Variants in IGSF22 observed in about 807,000 individuals in gnomAD.
IGSF22 encodes immunoglobulin superfamily, member 22.
IGSF22 carries 119 observed loss-of-function variants against 127.0 expected under a neutral mutation model. That is an observed-to-expected ratio of 0.94 (90% CI 0.81 to 1.09). The LOEUF (loss-of-function observed/expected upper bound fraction) is 1.09. Among genes scored for constraint, IGSF22 ranks in the 50% least tolerant of loss-of-function variants. The pLI is 0.00. For missense variants in IGSF22, 1,518 were observed against 1,716.6 expected (o/e 0.88, Z 2.04); for synonymous variants, 568 against 664.7 (o/e 0.85, Z 2.24).
At position 18,713,755 on chromosome 11, in the gene IGSF22, A is replaced by G. The variant is rs1337853096; in HGVS notation, c.2095+97T>C. ...AGGCCCATTCCCAGCCCAAACTTCA[A>G]CTCTAACTCTGGCCTCCTACTCAGC... On this transcript the variant is annotated intron_variant, in intron 14 of 22. Coordinates refer to ENST00000513874, the MANE Select transcript of IGSF22 (RefSeq NM_173588.4). 9 of 1,018,838 alleles carry G rather than the reference A, an allele frequency of 8.8e-6. No homozygotes were observed. In the East Asian group the frequency reaches 2.1e-4, roughly 24 times the overall value. The allele number at this position is 1,018,838 out of a possible 1,614,324, so 63.1% of individuals were successfully genotyped here.
At chr11:18,724,900 G>A (rs895095980) in intron 1 of IGSF22, among the ~76,000 whole-genome samples, 3 of 151,930 alleles carry the variant, frequency 2.0e-5, no homozygotes, top group African/African-American at 7.2e-5. Context: ...CCACTCCTGC[G>A]TCTATCTTAC....
rs1380535831 is a variant in IGSF22 at position 18,716,903 on chromosome 11, G to A, written c.1071C>T (p.Asn357=). 13 of 1,614,084 alleles carry A rather than the reference G, an allele frequency of 8.1e-6. No homozygotes were observed. Among genetic ancestry groups the A allele is most frequent in the Non-Finnish European group, 1.1e-5 (13 of 1,180,054 alleles). The part of the protein sequence containing the change: ...FEIRLSKKEP[N]FVWKFNGKEL... ...CCTTCCCATTGAACTTCCACACAAA[G>A]TTGGGCTCTTTCTTGGAGAGGCGGA... The change falls in exon 10 of 23, where the codon AAC becomes AAT. Residue 357 remains asparagine, a synonymous_variant. Coordinates refer to ENST00000513874, the MANE Select transcript of IGSF22 (RefSeq NM_173588.4). This position sits in a 1 kb window ranked among gnomAD's most constrained non-coding sequence, Gnocchi z 4.5.
chr11:18,717,118 C>T (rs1395485573), intron 9 of IGSF22, 118 bp from the exon 10 acceptor site: 10 of 1,160,528 alleles, frequency 8.6e-6, no homozygotes, highest in Non-Finnish European at 8.4e-6. Flanking sequence ...GGAAAGCACC[C>T]TGCCTTTGGT....
rs1458017725 is a variant in IGSF22, at chr11:18,710,885, C to G, written c.2399-57G>C. 4.1e-6 allele frequency: 6 copies of G among 1,461,026 alleles called. No individual in the cohort carries two copies. The African/African-American group carries it at 8.4e-5, about 20-fold the overall frequency. The allele number at this position is 1,461,026 out of a possible 1,614,324, so 90.5% of individuals were successfully genotyped here. On this transcript the variant is annotated intron_variant, in intron 15 of 22. Transcript: ENST00000513874. ...GAGGGGGAGCATGTAGATATTTGCC[C>G]ACCTCATGCTGACTTCTGCCTCGCC...
At position 18,720,293 on chromosome 11, in the gene IGSF22, A is replaced by C; in HGVS notation, c.379-8T>G. 6.2e-7 allele frequency: 1 copy of C among 1,613,000 alleles called. No individual in the cohort carries two copies. The highest frequency in any genetic ancestry group is 1.7e-4 in the Middle Eastern group (1 of 6,022). On this transcript the variant is annotated splice_polypyrimidine_tract_variant and splice_region_variant and intron_variant, in intron 4 of 22. Transcript: ENST00000513874. ...CGAAGTCAGTGGCTCCAGCTGGATC[A>C]AAGTCCGGCCATTAGTGGGGGAAGG...
chr11:18,721,634 G>A lies in IGSF22; in HGVS notation c.279C>T (p.Asn93=). The change falls in exon 4 of 23, where the codon AAC becomes AAT. Residue 93 remains asparagine (N), a synonymous_variant. Transcript: ENST00000513874. Reference sequence around the variant, plus strand: ...TCTTCCAGGAGATGTGGGGTTTGGCGTTCCCCTGCACCCGGGCTCGGAACA... The same window carrying A: ...TCTTCCAGGAGATGTGGGGTTTGGCATTCCCCTGCACCCGGGCTCGGAACA... The part of the protein sequence containing the change: ...KAVFRARVQG[N]AKPHISWKRE... The A allele has an allele frequency of 6.2e-7, 1 of 1,614,254 alleles. No individual in the cohort carries two copies. Among genetic ancestry groups the A allele is most frequent in the Non-Finnish European group, 8.5e-7 (1 of 1,180,042 alleles).
intron 20 of IGSF22, chr11:18,707,524 G>T: frequency 1.9e-6 from 1 of 531,184 alleles, no homozygotes; most frequent in South Asian, 3.2e-5. Flanking sequence ...TTCCTTCCTT[G>T]GGGGTTTAGA....
At chr11:18,707,398 G>A (rs969105786) in intron 20 of IGSF22, 185 bp from the exon 21 acceptor site, 3 of 574,740 alleles carry the variant, frequency 5.2e-6, no homozygotes, top group East Asian at 2.9e-5. Flanking sequence ...CCTGGGGTAA[G>A]TTACTTATCT....
At chr11:18,720,340 T>C (rs1171397162) in intron 4 of IGSF22, 55 bp from the exon 5 acceptor site, 2 of 1,443,626 alleles carry the variant, frequency 1.4e-6, no homozygotes, top group Non-Finnish European at 1.9e-6. Flanking sequence ...CAGGGAGACT[T>C]TCTGTCAGAT....
intron 2 of IGSF22, 46 bp downstream of exon 2, chr11:18,724,082 G>A (rs770507231): frequency 6.7e-7 from 1 of 1,492,646 alleles, no homozygotes; most frequent in South Asian, 1.2e-5. Context: ...TGTGGAGGAA[G>A]AATAGCTGCC....
chr11:18,714,260 C>T lies in IGSF22; in HGVS notation c.1798+17G>A, dbSNP rs999128263. The T allele has an allele frequency of 1.2e-6, 2 of 1,609,414 alleles. No homozygotes were observed. Among genetic ancestry groups the T allele is most frequent in the East Asian group, 2.2e-5 (1 of 44,866 alleles). On this transcript the variant is annotated intron_variant, in intron 13 of 22. Coordinates refer to ENST00000513874, the MANE Select transcript of IGSF22 (RefSeq NM_173588.4). ...CCAGGCATGGTTGAGCTTTGCCTAC[C>T]TTGGACAGATCCATACCTGCGATGA... is the stretch of plus-strand genomic sequence containing the variant.
At position 18,709,448 on chromosome 11, in the gene IGSF22, AT is replaced by A; in HGVS notation, c.2936del (p.Asn979MetfsTer11). ...QKYFFRIRAV[N>X]EAGVGEPVEL... ...CCACAGGCTCCCCAACCCCAGCCTC[AT>A]TCACAGCCCGGATTCGGAAGAAGTA... On this transcript the variant is annotated frameshift_variant, in exon 18 of 23. Transcript: ENST00000513874. LOFTEE classifies it high-confidence loss of function. The surrounding 1 kb of genome is among the most constrained non-coding windows in gnomAD (Gnocchi z 4.8). The A allele has an allele frequency of 6.2e-7, 1 of 1,614,078 alleles. No individual in the cohort carries two copies. The highest frequency in any genetic ancestry group is 8.5e-7 in the Non-Finnish European group (1 of 1,180,002).
In IGSF22 at chr11:18,714,432, G is replaced by C; in HGVS notation, c.1657-14C>G. ...CAAGTCCGTGATCTGGGGGTCAGGG[G>C]TGGGCCTGAGTGTGAGCATAGGCCA... On this transcript the variant is annotated splice_polypyrimidine_tract_variant and intron_variant, in intron 12 of 22. Coordinates refer to ENST00000513874, the MANE Select transcript of IGSF22 (RefSeq NM_173588.4). The C allele has an allele frequency of 6.2e-7, 1 of 1,614,006 alleles. No homozygotes were observed. The highest frequency in any genetic ancestry group is 8.5e-7 in the Non-Finnish European group (1 of 1,179,862).
rs1394086547 is a variant in IGSF22, at chr11:18,708,279, G to A, written c.3015C>T (p.Asp1005=). The A allele has an allele frequency of 6.5e-7, 1 of 1,547,624 alleles. No individual in the cohort carries two copies. Among genetic ancestry groups the A allele is most frequent in the Admixed American group, 2.0e-5 (1 of 50,382 alleles). Residue 1005 remains aspartate (D), a synonymous_variant, in exon 19 of 23, where the codon GAC becomes GAT. Transcript: ENST00000513874. Reference sequence around the variant, plus strand: ...TGTGACTCTTCAGCCGGGCACTGAGGTCAAACTTGGGTGCAGCTGAGATGG... The same window carrying A: ...TGTGACTCTTCAGCCGGGCACTGAGATCAAACTTGGGTGCAGCTGAGATGG... ...AMPPPAAPKF[D]LSARLKSHMV...
intron 11 of IGSF22, 57 bp from the exon 12 acceptor site, chr11:18,714,681 T>C: frequency 6.3e-7 from 1 of 1,599,986 alleles, no homozygotes; most frequent in Non-Finnish European, 8.5e-7. Flanking sequence ...GAGGGACTTC[T>C]GGGAAAAGGG....
Position 18,716,785 on chromosome 11 carries a change from C to T in IGSF22, c.1189G>A (p.Gly397Ser), listed in dbSNP as rs369722962. Residue 397 changes from glycine to serine, a missense_variant, in exon 10 of 23, where the codon GGC (glycine) becomes AGC (serine). Around this residue, in one of 3 missense-constraint regions of IGSF22, gnomAD observed 1,456 missense variants for 1,644.9 expected, o/e 0.89. Coordinates refer to ENST00000513874, the MANE Select transcript of IGSF22 (RefSeq NM_173588.4). This position sits in a 1 kb window ranked among gnomAD's most constrained non-coding sequence, Gnocchi z 4.5. The part of the protein sequence containing the change: ...KIKDARLSDS[G>S]EFSAEAGNLV... ...TTCCCCGCCTCAGCAGAGAACTCGC[C>T]GCTGTCACTGAGTCTGGCATCCTTA... 2.5e-5 allele frequency: 40 copies of T among 1,614,086 alleles called. No homozygotes were observed. The highest frequency in any genetic ancestry group is 2.1e-4 in the African/African-American group (16 of 74,932).
Position 18,712,297 on chromosome 11 carries a change from T to A in IGSF22, c.2183A>T (p.Asn728Ile). The change falls in exon 15 of 23, where the codon AAT becomes ATT. Residue 728 changes from asparagine (N) to isoleucine (I), a missense_variant. By Grantham distance (149) the Asn-to-Ile change is moderately radical. Transcript: ENST00000513874. Reference sequence around the variant, plus strand: ...GAACTGTGTCACAGGTCGTCCACCATTGTCCTTTGGGGCCTTCCACTTCAT... The same window carrying A: ...GAACTGTGTCACAGGTCGTCCACCAATGTCCTTTGGGGCCTTCCACTTCAT... ...VHMKWKAPKDNGGRPVTQFIV... is the reference protein window; with the variant it reads ...VHMKWKAPKDIGGRPVTQFIV... 2.6e-6 allele frequency: 4 copies of A among 1,551,732 alleles called. No homozygotes were observed. The South Asian group carries it at 4.8e-5, about 18-fold the overall frequency.
chr11:18,710,298 G>A, intron 17 of IGSF22, 29 bp downstream of exon 17: 1 of 1,608,380 alleles, frequency 6.2e-7, no homozygotes, highest in Non-Finnish European at 8.5e-7. Flanking sequence ...ATTCCATTAT[G>A]TGTCAGGACC....
At position 18,716,739 on chromosome 11, in the gene IGSF22, A is replaced by G; in HGVS notation, c.1235T>C (p.Leu412Pro). Residue 412 changes from leucine (L) to proline (P), a missense_variant, in exon 10 of 23, where the codon CTC (leucine) becomes CCC (proline). This residue lies in a region of IGSF22 where 1,456 missense variants were observed against 1,644.9 expected (regional missense o/e 0.89). Coordinates refer to ENST00000513874, the MANE Select transcript of IGSF22 (RefSeq NM_173588.4). This position sits in a 1 kb window ranked among gnomAD's most constrained non-coding sequence, Gnocchi z 4.5. ...EAGNLVQKAQ[L>P]TVDRIPIKFV... ...GCCCAACCACTCACGGTCAACAGTG[A>G]GCTGGGCCTTTTGTACCAGGTTCCC... 1.9e-6 allele frequency: 3 copies of G among 1,614,108 alleles called. No homozygotes were observed. The highest frequency in any genetic ancestry group is 2.5e-6 in the Non-Finnish European group (3 of 1,179,948).
Sources: allele counts gnomAD v4.1 joint callset (sites outside exome capture counted in the v4.1 genomes callset), GRCh38; gene constraint gnomAD v4.1.1; regional missense constraint gnomAD v4.1.1; non-coding constraint Gnocchi (gnomAD v3.1); transcripts MANE v1.5; gene names NCBI Gene and HGNC (gene_info 2026-07-23, HGNC 2026-07-21).